MYH15: variants seen among roughly 807,000 people sequenced by gnomAD.
The protein encoded by MYH15 is myosin heavy chain 15.
A neutral mutation model predicts 240.5 loss-of-function variants in MYH15; 227 were observed. The ratio of observed to expected loss-of-function variants is 0.94; its 90% CI spans 0.85 to 1.05. MYH15 has a LOEUF of 1.05. Ranked by LOEUF, MYH15 falls within the 50% of genes least tolerant of loss-of-function variation. The pLI is 0.00. For missense variants in MYH15, 2,217 were observed against 2,247.5 expected (o/e 0.99, Z 0.27); for synonymous variants, 785 against 796.7 (o/e 0.99, Z 0.25).
chr3:108,458,352 A>G (rs12637728), intron 18 of MYH15, among the ~76,000 whole-genome samples: 2 of 152,250 alleles, frequency 1.3e-5, no homozygotes, highest in African/African-American at 4.8e-5. Flanking sequence ...CTGATAGGAA[A>G]CAATGAGGCA....
At chr3:108,449,267 C>T (rs879568701) in intron 21 of MYH15, among the ~76,000 whole-genome samples, 1 of 151,830 alleles carries the variant, frequency 6.6e-6, no homozygotes, top group Non-Finnish European at 1.5e-5. Context: ...TATATGGAAC[C>T]ACAAAAGACC....
rs116356123 is a variant in MYH15, at chr3:108,463,972, C to G, written c.1731+666G>C. 2.0e-3 allele frequency among the ~76,000 whole-genome samples: 310 copies of G among 151,920 alleles called. 1 individual carries two copies. The highest frequency in any genetic ancestry group is 6.9e-3 in the African/African-American group (287 of 41,414). ...TACAGTGAACATTCAAAAAAAAAAC[C>G]AGCAATTGCAATGGTATTTTACTGT... On this transcript the variant is annotated intron_variant, in intron 15 of 40. Coordinates refer to ENST00000693548, the MANE Select transcript of MYH15 (RefSeq NM_014981.3).
At chr3:108,460,168 TA>T in intron 17 of MYH15, 131 bp downstream of exon 17, 1 of 760,498 alleles carries the variant, frequency 1.3e-6, no homozygotes, top group Non-Finnish European at 2.0e-6. Flanking sequence ...AATAACAGCA[TA>T]AACTTCAACT....
intron 25 of MYH15, among the ~76,000 whole-genome samples, chr3:108,433,325 ATAAC>A (rs1287356417): frequency 6.6e-6 from 1 of 152,218 alleles, no homozygotes; most frequent in Non-Finnish European, 1.5e-5. Context: ...TGTCTAGGAA[ATAAC>A]TAACTTGCTT....
intron 11 of MYH15, among the ~76,000 whole-genome samples, chr3:108,477,781 G>A (rs1448005001): frequency 1.3e-5 from 2 of 152,026 alleles, no homozygotes; most frequent in Non-Finnish European, 2.9e-5. Flanking sequence ...CCACAAAATT[G>A]TTTTATGAAA....
At chr3:108,381,810 G>GC (rs1043306193) in intron 40 of MYH15, among the ~76,000 whole-genome samples, 1 of 152,082 alleles carries the variant, frequency 6.6e-6, no homozygotes, top group Non-Finnish European at 1.5e-5. Flanking sequence ...TGAAGGCAGC[G>GC]CCCCCCTTTG....
upstream of MYH15, among the ~76,000 whole-genome samples, chr3:108,530,266 G>T (rs184262610): frequency 6.6e-6 from 1 of 152,198 alleles, no homozygotes; most frequent in Non-Finnish European, 1.5e-5. Context: ...ATATCTATAG[G>T]AATACAAATA....
At chr3:108,510,650 A>G (rs1221991202), upstream of MYH15, 3 of 1,503,920 alleles carry the variant, frequency 2.0e-6, no homozygotes, top group Non-Finnish European at 1.8e-6. Context: ...GCTCTAAATG[A>G]GCAACCATTC....
chr3:108,421,274 A>C, intron 27 of MYH15, 60 bp from the exon 28 acceptor site: 1 of 1,578,346 alleles, frequency 6.3e-7, no homozygotes, highest in Non-Finnish European at 8.6e-7. Flanking sequence ...AATCAGCTGC[A>C]CAAAGGAAGA....
intron 27 of MYH15, among the ~76,000 whole-genome samples, chr3:108,422,399 G>C (rs2082690890): frequency 6.6e-6 from 1 of 151,868 alleles, no homozygotes; most frequent in Admixed American, 6.6e-5. Context: ...TGTATTTTTA[G>C]TAAAGATGGG....
intron 31 of MYH15, 70 bp from the exon 32 acceptor site, chr3:108,408,474 A>C (rs974001977): frequency 6.8e-7 from 1 of 1,470,180 alleles, no homozygotes; most frequent in African/African-American, 1.4e-5. Context: ...ACCAGGCACA[A>C]CAGATTCTTC....
intron 11 of MYH15, among the ~76,000 whole-genome samples, chr3:108,481,977 G>A (rs1351030474): frequency 6.6e-6 from 1 of 152,098 alleles, no homozygotes; most frequent in African/African-American, 2.4e-5. Context: ...GCTTCTGGGT[G>A]CAGAGCTATC....
chr3:108,513,426 G>A (rs369956702), upstream of MYH15, among the ~76,000 whole-genome samples: 259 of 152,248 alleles, frequency 1.7e-3, no homozygotes, highest in African/African-American at 6.0e-3. Flanking sequence ...TAGGGCAGAC[G>A]GGCTGCATGC....
chr3:108,520,685 A>G (rs1490930575), intron 1 of MYH15, among the ~76,000 whole-genome samples: 1 of 152,162 alleles, frequency 6.6e-6, no homozygotes, highest in Non-Finnish European at 1.5e-5. Context: ...TTAAAAGAGA[A>G]GCAGCAACAC....
intron 27 of MYH15, 57 bp from the exon 28 acceptor site, chr3:108,421,271 T>C: frequency 6.3e-7 from 1 of 1,582,148 alleles, no homozygotes; most frequent in Non-Finnish European, 8.6e-7. Flanking sequence ...CTGAATCAGC[T>C]GCACAAAGGA....
intron 2 of MYH15, 36 bp from the exon 3 acceptor site, chr3:108,501,891 T>C (rs1287394970): frequency 3.1e-6 from 5 of 1,595,988 alleles, no homozygotes; most frequent in Non-Finnish European, 4.3e-6. Context: ...TATATTCCCC[T>C]GTCTCCTATG....
rs184593354 is a variant in MYH15 at position 108,500,671 on chromosome 3, C to G, written c.340-397G>C. ...GAGAAGGACTAGCTCATGTGGGTCA[C>G]TCAGTCACTGAAGGGGTTGAATTGT... is the stretch of plus-strand genomic sequence containing the variant. On this transcript the variant is annotated intron_variant, in intron 3 of 40. Coordinates refer to ENST00000693548, the MANE Select transcript of MYH15 (RefSeq NM_014981.3). 2.3e-3 allele frequency among the ~76,000 whole-genome samples: 345 copies of G among 152,322 alleles called. 3 individuals carry two copies. Among genetic ancestry groups the G allele is most frequent in the Non-Finnish European group, 3.4e-3 (230 of 68,036 alleles).
the MYH15 span, among the ~76,000 whole-genome samples, chr3:108,542,316 G>C: frequency 6.6e-6 from 1 of 152,156 alleles, no homozygotes; most frequent in Admixed American, 6.5e-5. Flanking sequence ...TATGAATTTT[G>C]ACAAAATGAA....
At chr3:108,473,094 G>T (rs1323759044) in intron 12 of MYH15, among the ~76,000 whole-genome samples, 1 of 152,114 alleles carries the variant, frequency 6.6e-6, no homozygotes, top group Non-Finnish European at 1.5e-5. Flanking sequence ...TGCAACCTCC[G>T]CCTCCAAGGT....
Sources: allele counts gnomAD v4.1 joint callset (sites outside exome capture counted in the v4.1 genomes callset), GRCh38; gene constraint gnomAD v4.1.1; transcripts MANE v1.5; gene names NCBI Gene and HGNC (gene_info 2026-07-23, HGNC 2026-07-21).